GPC6: variants seen among roughly 807,000 people sequenced by gnomAD.
The protein encoded by GPC6 is glypican 6.
A neutral mutation model predicts 55.2 loss-of-function variants in GPC6; 14 were observed. That is an observed-to-expected ratio of 0.25 (90% CI 0.17 to 0.40). The LOEUF is 0.40. Ranked by LOEUF, GPC6 falls within the 10% of genes least tolerant of loss-of-function variation. The pLI is 1.00. For synonymous variants in GPC6, 278 were observed against 259.6 expected (o/e 1.07, Z -0.68); for missense variants, 641 against 708.5 (o/e 0.90, Z 1.08).
intron 4 of GPC6, among the ~76,000 whole-genome samples, chr13:94,198,522 GA>G (rs1211408774): frequency 6.6e-6 from 1 of 152,212 alleles, no homozygotes; most frequent in African/African-American, 2.4e-5. Flanking sequence ...CGGATTGTAA[GA>G]TTATGAACCA....
At chr13:93,686,836 A>G (rs1882068284) in intron 2 of GPC6, among the ~76,000 whole-genome samples, 1 of 152,104 alleles carries the variant, frequency 6.6e-6, no homozygotes, top group Admixed American at 6.6e-5. Context: ...TCTTCATTTA[A>G]TGAAGAACAG....
At chr13:93,713,327 A>G (rs1325937790) in intron 2 of GPC6, among the ~76,000 whole-genome samples, 1 of 151,706 alleles carries the variant, frequency 6.6e-6, no homozygotes, top group Admixed American at 6.6e-5. Flanking sequence ...CAATAAATAG[A>G]AAACAACAAA....
intron 2 of GPC6, among the ~76,000 whole-genome samples, chr13:93,797,803 G>C (rs770042937): frequency 1.3e-5 from 2 of 152,112 alleles, no homozygotes; most frequent in African/African-American, 4.8e-5. Context: ...AGTCCACAAG[G>C]CTGTGTTTTT....
intron 1 of GPC6, among the ~76,000 whole-genome samples, chr13:93,426,393 C>A (rs12854549): frequency 4.5e-5 from 6 of 132,382 alleles, no homozygotes; most frequent in South Asian, 2.8e-4. Context: ...CCCCTCCCCC[C>A]ACCCCACAAC....
chr13:94,352,632 G>A (rs753539461), intron 6 of GPC6, among the ~76,000 whole-genome samples: 4 of 152,186 alleles, frequency 2.6e-5, no homozygotes, highest in Non-Finnish European at 5.9e-5. Context: ...AGGCCTTAGG[G>A]TGGTAACTTT....
intron 2 of GPC6, among the ~76,000 whole-genome samples, chr13:93,740,040 G>A (rs1566511676): frequency 6.6e-6 from 1 of 152,102 alleles, no homozygotes; most frequent in Admixed American, 6.6e-5. Context: ...ATAAATCATG[G>A]TGTTCCCCTT....
intron 1 of GPC6, among the ~76,000 whole-genome samples, chr13:93,278,932 C>G (rs912481406): frequency 2.0e-5 from 3 of 152,024 alleles, no homozygotes; most frequent in Non-Finnish European, 4.4e-5. Context: ...CTATAGGTAT[C>G]CCATAACATC....
chr13:94,222,453 A>T (rs1890412413), intron 4 of GPC6, among the ~76,000 whole-genome samples: 1 of 152,088 alleles, frequency 6.6e-6, no homozygotes, highest in East Asian at 1.9e-4. Context: ...TTAGGGAATG[A>T]CTGGGCTGGC....
intron 3 of GPC6, among the ~76,000 whole-genome samples, chr13:93,921,948 G>T (rs1877596925): frequency 6.7e-6 from 1 of 149,670 alleles, no homozygotes; most frequent in Non-Finnish European, 1.5e-5. Flanking sequence ...AGTGCCTGTG[G>T]GAGAAAAAAA....
intron 4 of GPC6, among the ~76,000 whole-genome samples, chr13:94,045,049 C>A (rs541054823): frequency 6.6e-6 from 1 of 151,486 alleles, no homozygotes; most frequent in Non-Finnish European, 1.5e-5. Context: ...AGTATAGGTA[C>A]GTTTATTTTT....
intron 1 of GPC6, among the ~76,000 whole-genome samples, chr13:93,434,169 C>T (rs1245870037): frequency 6.6e-6 from 1 of 152,140 alleles, no homozygotes; most frequent in Admixed American, 6.5e-5. Context: ...TTTGCCTCTG[C>T]CCATGCAACC....
intron 3 of GPC6, among the ~76,000 whole-genome samples, chr13:94,017,977 T>C (rs190177538): frequency 3.7e-4 from 57 of 152,296 alleles, no homozygotes; most frequent in Admixed American, 2.8e-3. Context: ...ACAGCAGTGA[T>C]GAAAGCAAGC....
intron 3 of GPC6, among the ~76,000 whole-genome samples, chr13:93,837,479 G>C (rs1887783498): frequency 6.6e-6 from 1 of 152,150 alleles, no homozygotes; most frequent in South Asian, 2.1e-4. Flanking sequence ...GTTAACTCTT[G>C]TAAAAACAGA....
chr13:94,158,252 A>G (rs867145623), intron 4 of GPC6, among the ~76,000 whole-genome samples: 5 of 152,178 alleles, frequency 3.3e-5, no homozygotes, highest in African/African-American at 9.7e-5. Flanking sequence ...CTGTGAATCA[A>G]TGTTCAAAAA....
intron 1 of GPC6, among the ~76,000 whole-genome samples, chr13:93,533,056 G>A (rs1441228738): frequency 6.6e-6 from 1 of 152,142 alleles, no homozygotes; most frequent in Non-Finnish European, 1.5e-5. Context: ...TTATTGTGTT[G>A]AGCAACTTCA....
At chr13:93,976,835 G>A (rs1021806029) in intron 3 of GPC6, among the ~76,000 whole-genome samples, 1 of 151,740 alleles carries the variant, frequency 6.6e-6, no homozygotes, top group Admixed American at 6.6e-5. Flanking sequence ...TCAGCCTGTA[G>A]GCTCCTAATT....
Position 93,422,656 on chromosome 13 carries a change from A to C in GPC6, c.161-122607A>C, listed in dbSNP as rs79569594. ...ATGTATGCCAATATTTGCTCAGAAC[A>C]AAAGACAGGCAGATTTAGTTGGCAG... On this transcript the variant is annotated intron_variant, in intron 1 of 8. Coordinates refer to ENST00000377047, the MANE Select transcript of GPC6 (RefSeq NM_005708.5). Among the ~76,000 whole-genome samples, 782 of 152,320 alleles carry C rather than the reference A, an allele frequency of 5.1e-3. 6 individuals carry two copies. The highest frequency in any genetic ancestry group is 0.018 in the African/African-American group (736 of 41,564).
At chr13:93,619,405 T>C (rs1351028429) in intron 2 of GPC6, among the ~76,000 whole-genome samples, 1 of 152,164 alleles carries the variant, frequency 6.6e-6, no homozygotes, top group African/African-American at 2.4e-5. Flanking sequence ...TCATAGTAGG[T>C]AATTTCAGAA....
chr13:93,332,302 A>T (rs536618886), intron 1 of GPC6, among the ~76,000 whole-genome samples: 1 of 145,520 alleles, frequency 6.9e-6, no homozygotes, highest in Admixed American at 7.0e-5. Flanking sequence ...GCTGTTTTCC[A>T]TAATGACTGT....
Sources: gnomAD v4.1 joint callset for allele counts (sites outside exome capture counted in the v4.1 genomes callset) on GRCh38, gnomAD v4.1.1 for gene constraint, MANE v1.5 for transcripts, NCBI Gene and HGNC (gene_info 2026-07-23, HGNC 2026-07-21) for gene names.